Variants in CACNA2D3 observed in about 807,000 individuals in gnomAD.
CACNA2D3 encodes voltage-dependent calcium channel subunit alpha-2/delta-3.
CACNA2D3 carries 60 observed loss-of-function variants against 160.6 expected under a neutral mutation model. The observed-to-expected ratio is 0.37, with a 90% confidence interval of 0.30 to 0.46. CACNA2D3 has a LOEUF of 0.46. CACNA2D3 is among the 20% of genes least tolerant of loss of function. The pLI is 1.00. For missense variants in CACNA2D3, 1,205 were observed against 1,365.0 expected, an observed-to-expected ratio of 0.88 and a Z score of 1.85; for synonymous variants, 558 against 492.9, an observed-to-expected ratio of 1.13 and a Z score of -1.75.
At chr3:54,817,131 T>C (rs1225319924) in intron 14 of CACNA2D3, among the ~76,000 whole-genome samples, 1 of 152,182 alleles carries the variant, frequency 6.6e-6, no homozygotes, top group Non-Finnish European at 1.5e-5. Flanking sequence ...CTCTAAGAAT[T>C]ATCAAATAAT....
chr3:54,890,531 A>G (rs2106865906), intron 24 of CACNA2D3, among the ~76,000 whole-genome samples: 1 of 152,100 alleles, frequency 6.6e-6, no homozygotes, highest in East Asian at 1.9e-4. Context: ...GAAAGAAAAA[A>G]AATATTATGT....
At chr3:54,238,316 A>G (rs1426520495) in intron 2 of CACNA2D3, among the ~76,000 whole-genome samples, 1 of 152,156 alleles carries the variant, frequency 6.6e-6, no homozygotes, top group African/African-American at 2.4e-5. Context: ...GTGAGTTGTC[A>G]ATCACCTGTG....
chr3:54,938,341 G>A (rs563825045), intron 27 of CACNA2D3, among the ~76,000 whole-genome samples: 2 of 152,320 alleles, frequency 1.3e-5, no homozygotes, highest in African/African-American at 4.8e-5. Context: ...TACCTGCTTT[G>A]TGGCCTCATG....
At chr3:54,273,611 T>A (rs564016336) in intron 2 of CACNA2D3, among the ~76,000 whole-genome samples, 13 of 152,324 alleles carry the variant, frequency 8.5e-5, no homozygotes, top group African/African-American at 2.9e-4. Context: ...GCAGGCAATT[T>A]ACTCTGGCAG....
chr3:54,783,505 CTG>C (rs2107133854), intron 13 of CACNA2D3, among the ~76,000 whole-genome samples: 1 of 152,222 alleles, frequency 6.6e-6, no homozygotes, highest in East Asian at 1.9e-4. Context: ...ACTCGGGAGA[CTG>C]AGGCAGGAGA....
In CACNA2D3 at chr3:54,386,701, T is replaced by G. The variant is rs1559467477; in HGVS notation, c.322-14T>G. ...TCCTTAATGCTGTCTTCTGTTTTTT[T>G]TTTTTTTTTTTAGCGTCTGGTGGAG... On this transcript the variant is annotated splice_polypyrimidine_tract_variant and intron_variant, in intron 3 of 37. Coordinates refer to ENST00000474759, the MANE Select transcript of CACNA2D3 (RefSeq NM_018398.3). The G allele has an allele frequency of 9.2e-6, 14 of 1,522,186 alleles. No individual in the cohort carries two copies. The highest frequency in any genetic ancestry group is 2.1e-5 in the Admixed American group (1 of 47,714). 94.3% of individuals were successfully genotyped at this position (1,522,186 alleles called of 1,614,324 possible). A position where few individuals can be genotyped will look rare whatever the true frequency, so the allele number is the denominator to read the frequency against.
At chr3:54,863,870 G>A (rs1010544554) in intron 17 of CACNA2D3, among the ~76,000 whole-genome samples, 3 of 152,152 alleles carry the variant, frequency 2.0e-5, no homozygotes, top group East Asian at 1.9e-4. Flanking sequence ...AAAGGAAAGG[G>A]CTTGTTGTCT....
intron 2 of CACNA2D3, among the ~76,000 whole-genome samples, chr3:54,236,646 A>G (rs1409222233): frequency 3.9e-5 from 6 of 152,164 alleles, no homozygotes; most frequent in Non-Finnish European, 8.8e-5. Context: ...AAAGATGTAG[A>G]AAATTCTTGC....
intron 11 of CACNA2D3, among the ~76,000 whole-genome samples, chr3:54,668,341 G>A (rs1700104011): frequency 6.6e-6 from 1 of 152,172 alleles, no homozygotes; most frequent in African/African-American, 2.4e-5. Flanking sequence ...TTAATCAAGT[G>A]CAAACAGCCC....
intron 2 of CACNA2D3, among the ~76,000 whole-genome samples, chr3:54,149,883 G>GTCTCTCTCTCTCTCTCTCTCTCTC (rs554851240): frequency 1.6e-5 from 1 of 60,768 alleles, no homozygotes; most frequent in African/African-American, 7.3e-5. Context: ...TGAAGTATCT[G>GTCTCTCTCTCTCTCTCTCTCTCTC]TCTCTCTCTC....
chr3:54,883,799 ATC>A (rs9311543), intron 21 of CACNA2D3, among the ~76,000 whole-genome samples: 2,185 of 107,406 alleles, frequency 0.02, 65 homozygotes, highest in African/African-American at 0.07. Context: ...TTACAATGGA[ATC>A]TCTCTCTCTC....
chr3:54,794,242 T>C (rs1428938101), intron 13 of CACNA2D3, among the ~76,000 whole-genome samples: 3 of 152,174 alleles, frequency 2.0e-5, no homozygotes, highest in African/African-American at 7.2e-5. Context: ...CTTAGTTGTT[T>C]CTTTTGAGTG....
chr3:54,435,335 T>C (rs1262769754), intron 4 of CACNA2D3, among the ~76,000 whole-genome samples: 2 of 152,194 alleles, frequency 1.3e-5, no homozygotes, highest in Non-Finnish European at 2.9e-5. Flanking sequence ...CTGGTGTTAG[T>C]GGAGTCCCAT....
At chr3:54,465,373 G>A (rs1163978113) in intron 4 of CACNA2D3, among the ~76,000 whole-genome samples, 1 of 152,024 alleles carries the variant, frequency 6.6e-6, no homozygotes. Context: ...CTTTATTACA[G>A]TAATTGCTAT....
intron 9 of CACNA2D3, among the ~76,000 whole-genome samples, chr3:54,596,431 A>G (rs1379928339): frequency 6.6e-6 from 1 of 152,080 alleles, no homozygotes; most frequent in Admixed American, 6.6e-5. Context: ...CACAATGGCA[A>G]ACTCCCTATT....
intron 5 of CACNA2D3, among the ~76,000 whole-genome samples, chr3:54,525,376 A>G (rs1438223188): frequency 6.6e-6 from 1 of 152,054 alleles, no homozygotes; most frequent in Non-Finnish European, 1.5e-5. Context: ...ATGGGCATTC[A>G]TTTTGTCTTT....
At chr3:54,737,890 T>A (rs1701565012) in intron 11 of CACNA2D3, among the ~76,000 whole-genome samples, 1 of 152,176 alleles carries the variant, frequency 6.6e-6, no homozygotes, top group African/African-American at 2.4e-5. Context: ...TGTTTTGAAC[T>A]CCTGACCTCA....
At chr3:54,341,869 T>C (rs1346641104) in intron 3 of CACNA2D3, among the ~76,000 whole-genome samples, 2 of 152,128 alleles carry the variant, frequency 1.3e-5, no homozygotes, top group African/African-American at 4.8e-5. Flanking sequence ...AGTGCCTGGG[T>C]CAATAATGAT....
intron 6 of CACNA2D3, among the ~76,000 whole-genome samples, chr3:54,567,308 A>G (rs1350572193): frequency 6.6e-6 from 1 of 152,182 alleles, no homozygotes; most frequent in Non-Finnish European, 1.5e-5. Context: ...TCTGGAAGGT[A>G]TGTGTTTAAA....
Sources: gnomAD v4.1 joint callset for allele counts (sites outside exome capture counted in the v4.1 genomes callset) on GRCh38, gnomAD v4.1.1 for gene constraint, MANE v1.5 for transcripts, NCBI Gene and HGNC (gene_info 2026-07-23, HGNC 2026-07-21) for gene names.